The following EVI5 variants were observed in gnomAD, a reference collection of about 807,000 sequenced individuals.
The protein encoded by EVI5 is ecotropic viral integration site 5 protein homolog.
Under a neutral mutation model 112.0 loss-of-function variants are expected in EVI5, and 73 were observed. That is an observed-to-expected ratio of 0.65 (90% confidence interval 0.54 to 0.79). The LOEUF (loss-of-function observed/expected upper bound fraction) is 0.79. EVI5 is among the 30% of genes least tolerant of loss of function. The pLI, the probability that EVI5 is intolerant of heterozygous loss-of-function variation, is 0.00. For missense variants in EVI5, 900 were observed against 968.8 expected, an observed-to-expected ratio of 0.93 and a Z score of 0.94; for synonymous variants, 305 against 319.9, an observed-to-expected ratio of 0.95 and a Z score of 0.50.
At chr1:92,707,122 T>C (rs1672114397) in intron 2 of EVI5, among the ~76,000 whole-genome samples, 1 of 137,244 alleles carries the variant, frequency 7.3e-6, no homozygotes, top group Admixed American at 8.6e-5. Flanking sequence ...GAGGTTGCGG[T>C]GAGCCGAGAT....
chr1:92,543,619 A>C (rs1177746190), intron 19 of EVI5, among the ~76,000 whole-genome samples: 1 of 152,228 alleles, frequency 6.6e-6, no homozygotes, highest in Non-Finnish European at 1.5e-5. Context: ...CTTTCAGGCT[A>C]TCTCAGCTTT....
At chr1:92,589,505 G>C (rs1309081925) in intron 18 of EVI5, among the ~76,000 whole-genome samples, 1 of 152,170 alleles carries the variant, frequency 6.6e-6, no homozygotes, top group East Asian at 1.9e-4. Context: ...CGCCCACAGA[G>C]TCTCGCTCAT....
chr1:92,763,115 A>C (rs1682128319), intron 1 of EVI5, among the ~76,000 whole-genome samples: 1 of 152,104 alleles, frequency 6.6e-6, no homozygotes, highest in Non-Finnish European at 1.5e-5. Flanking sequence ...CAAATAAATT[A>C]AAAAGTAGCC....
intron 10 of EVI5, among the ~76,000 whole-genome samples, chr1:92,673,413 G>A (rs750009456): frequency 7.2e-5 from 11 of 151,880 alleles, no homozygotes; most frequent in Non-Finnish European, 1.2e-4. Context: ...TTAACTGTTC[G>A]TATGTCTATC....
At chr1:92,547,048 C>A (rs1665841642) in intron 19 of EVI5, among the ~76,000 whole-genome samples, 1 of 152,178 alleles carries the variant, frequency 6.6e-6, no homozygotes, top group Non-Finnish European at 1.5e-5. Context: ...AATATACATT[C>A]TTCTCAGCAC....
chr1:92,560,204 TAC>T (rs1287416738), intron 19 of EVI5, among the ~76,000 whole-genome samples: 4 of 152,164 alleles, frequency 2.6e-5, no homozygotes, highest in Non-Finnish European at 5.9e-5. Context: ...AAAGGAAAAT[TAC>T]ACAGTGATGA....
At chr1:92,690,499 T>G (rs1299344658) in intron 9 of EVI5, among the ~76,000 whole-genome samples, 2 of 151,872 alleles carry the variant, frequency 1.3e-5, no homozygotes, top group Admixed American at 1.3e-4. Context: ...TACACCACCA[T>G]ACCTGGCTAA....
At chr1:92,670,288 AC>A (rs1418834780) in intron 10 of EVI5, among the ~76,000 whole-genome samples, 1 of 152,162 alleles carries the variant, frequency 6.6e-6, no homozygotes, top group African/African-American at 2.4e-5. Context: ...ATTTCAAATA[AC>A]CCACTCTTCA....
chr1:92,713,936 T>C (rs1570532390), intron 2 of EVI5: 2 of 764,448 alleles, frequency 2.6e-6, no homozygotes, highest in Admixed American at 6.3e-5. Flanking sequence ...TCACTCAAAA[T>C]TTAAATTAGC....
intron 5 of EVI5, among the ~76,000 whole-genome samples, chr1:92,699,595 T>A (rs972726237): frequency 6.6e-6 from 1 of 152,126 alleles, no homozygotes; most frequent in Non-Finnish European, 1.5e-5. Flanking sequence ...GCGAACATCA[T>A]AGAGTGCACC....
chr1:92,765,772 T>A (rs1192858289), intron 1 of EVI5, among the ~76,000 whole-genome samples: 1 of 152,154 alleles, frequency 6.6e-6, no homozygotes, highest in Non-Finnish European at 1.5e-5. Context: ...CAAATTCTTT[T>A]GTATTAAAAC....
Position 92,685,396 on chromosome 1 carries a change from T to C in EVI5, c.1098-8178A>G, listed in dbSNP as rs1050001139. On this transcript the variant is annotated intron_variant, in intron 9 of 19. Transcript: ENST00000684568. ...TGTACCAGAATCTCTGGGACACATT[T>C]AAAGCAGTGTGTAGAGGGAAATTTA... is the stretch of plus-strand genomic sequence containing the variant. 3.3e-5 allele frequency among the ~76,000 whole-genome samples: 5 copies of C among 152,328 alleles called. No individual in the cohort carries two copies. In the East Asian group the frequency reaches 7.7e-4, roughly 24 times the overall value.
rs567735041 is a variant in EVI5 at position 92,784,936 on chromosome 1, C to G, written c.-182G>C. 3 of 985,944 alleles carry G rather than the reference C, an allele frequency of 3.0e-6. No individual in the cohort carries two copies. The highest frequency in any genetic ancestry group is 3.6e-6 in the Non-Finnish European group (3 of 830,470). 61.1% of individuals were successfully genotyped at this position (985,944 alleles called of 1,614,324 possible). A position where few individuals can be genotyped will look rare whatever the true frequency, so the allele number is the denominator to read the frequency against. On this transcript the variant is annotated 5_prime_UTR_variant, in exon 1 of 20. Transcript: ENST00000684568. ...CGCCTCGGCCCCGCTCCTGGCTCCA[C>G]GGGTCGCCCGTCCCGAGTTCCCAAA...
intron 16 of EVI5, among the ~76,000 whole-genome samples, chr1:92,609,556 T>G (rs1391176133): frequency 6.6e-6 from 1 of 151,886 alleles, no homozygotes; most frequent in Non-Finnish European, 1.5e-5. Context: ...CAGGGTTTCA[T>G]CATGTTGGCC....
intron 1 of EVI5, among the ~76,000 whole-genome samples, chr1:92,738,031 C>T (rs970307741): frequency 1.3e-5 from 2 of 152,116 alleles, no homozygotes; most frequent in African/African-American, 4.8e-5. Flanking sequence ...AGTTGAATGG[C>T]ATAAGAGACC....
intron 2 of EVI5, among the ~76,000 whole-genome samples, chr1:92,715,203 T>C (rs1673438766): frequency 6.6e-6 from 1 of 152,054 alleles, no homozygotes; most frequent in African/African-American, 2.4e-5. Context: ...AGACAGGGTT[T>C]CACCATATTG....
chr1:92,563,021 T>C (rs1475251469), intron 19 of EVI5, among the ~76,000 whole-genome samples: 3 of 152,116 alleles, frequency 2.0e-5, no homozygotes, highest in Non-Finnish European at 4.4e-5. Flanking sequence ...GATAAGAAAA[T>C]TGACCTCGAG....
intron 19 of EVI5, among the ~76,000 whole-genome samples, chr1:92,524,425 T>C (rs910056458): frequency 3.3e-5 from 5 of 152,244 alleles, no homozygotes; most frequent in African/African-American, 1.2e-4. Context: ...CTGGCCTAAA[T>C]GTGGCCACAC....
At chr1:92,678,069 G>A (rs1025084419) in intron 9 of EVI5, among the ~76,000 whole-genome samples, 1 of 152,090 alleles carries the variant, frequency 6.6e-6, no homozygotes, top group Non-Finnish European at 1.5e-5. Context: ...AGGCAGGGAG[G>A]GGGACAAGGG....
Sources: allele counts gnomAD v4.1 joint callset (sites outside exome capture counted in the v4.1 genomes callset), GRCh38; gene constraint gnomAD v4.1.1; transcripts MANE v1.5; gene names NCBI Gene and HGNC (gene_info 2026-07-23, HGNC 2026-07-21).